The following TMCO6 variants were observed in gnomAD, a reference collection of about 807,000 sequenced individuals.
The protein encoded by TMCO6 is transmembrane and coiled-coil domains 6, also known as transmembrane and coiled-coil domain-containing protein 6.
TMCO6 carries 47 observed loss-of-function variants against 61.8 expected under a neutral mutation model. That is an observed-to-expected ratio of 0.76 (90% CI 0.60 to 0.97). The LOEUF (loss-of-function observed/expected upper bound fraction) is 0.97. Ranked by LOEUF, TMCO6 falls within the 50% of genes least tolerant of loss-of-function variation. The pLI, the probability that TMCO6 is intolerant of heterozygous loss-of-function variation, is 0.00. For missense variants in TMCO6, 557 were observed against 601.6 expected, an observed-to-expected ratio of 0.93 and a Z score of 0.78; for synonymous variants, 261 against 254.2, an observed-to-expected ratio of 1.03 and a Z score of -0.25.
chr5:140,596,805 G>A, the TMCO6 span, among the ~76,000 whole-genome samples: 1 of 152,194 alleles, frequency 6.6e-6, no homozygotes, highest in Non-Finnish European at 1.5e-5. Flanking sequence ...TACAAACAAA[G>A]CTTCATCTAC....
downstream of TMCO6, chr5:140,647,357 A>G (rs1757463948): frequency 6.2e-7 from 1 of 1,609,940 alleles, no homozygotes; most frequent in Non-Finnish European, 8.5e-7. Flanking sequence ...TTTCTCAATG[A>G]AGTCCCTGCG....
chr5:140,643,681 T>G lies in TMCO6; in HGVS notation c.918+6T>G, dbSNP rs761326933. On this transcript the variant is annotated splice_donor_region_variant and intron_variant, in intron 8 of 11. Transcript: ENST00000394671. ...AGGATGCAGGACTGGAGCTGGTAGGTGAAGATGTCAGGTGAAATTCTGGGA... is the reference window on the plus strand; with the variant it reads ...AGGATGCAGGACTGGAGCTGGTAGGGGAAGATGTCAGGTGAAATTCTGGGA... 2 of 1,608,758 alleles carry G rather than the reference T, an allele frequency of 1.2e-6. No homozygotes were observed. Among genetic ancestry groups the G allele is most frequent in the East Asian group, 2.2e-5 (1 of 44,770 alleles).
intron 5 of TMCO6, 49 bp from the exon 6 acceptor site, chr5:140,642,537 G>A: frequency 6.2e-7 from 1 of 1,610,128 alleles, no homozygotes. Flanking sequence ...AGTCTCTGAA[G>A]ACCTGATGAC....
downstream of TMCO6, chr5:140,647,473 C>A: frequency 3.7e-6 from 6 of 1,611,784 alleles, no homozygotes; most frequent in South Asian, 6.6e-5. Context: ...CTCACCACGC[C>A]GCGCCTCACC....
Position 140,645,289 on chromosome 5 carries a change from A to G in TMCO6, c.*191A>G. 8.5e-6 allele frequency: 6 copies of G among 708,622 alleles called. No homozygotes were observed. The highest frequency in any genetic ancestry group is 6.7e-5 in the South Asian group (4 of 59,526). 43.9% of individuals were successfully genotyped at this position (708,622 alleles called of 1,614,324 possible). On this transcript the variant is annotated 3_prime_UTR_variant, in exon 12 of 12. Transcript: ENST00000394671. Reference sequence around the variant, plus strand: ...CAGGCAGGAGGACCAAAAGGGACTCAGTGTGGTCTACTTACTCTGGGGCCC... The same window carrying G: ...CAGGCAGGAGGACCAAAAGGGACTCGGTGTGGTCTACTTACTCTGGGGCCC...
chr5:140,608,076 C>T, the TMCO6 span, among the ~76,000 whole-genome samples: 2 of 152,184 alleles, frequency 1.3e-5, no homozygotes, highest in African/African-American at 4.8e-5. Flanking sequence ...ATGCGTGAGC[C>T]ACTGCGCCCA....
At chr5:140,627,579 G>A in the TMCO6 span, among the ~76,000 whole-genome samples, 1 of 152,078 alleles carries the variant, frequency 6.6e-6, no homozygotes, top group African/African-American at 2.4e-5. Flanking sequence ...TAATTTTTCT[G>A]ACAAAATATT....
the TMCO6 span, among the ~76,000 whole-genome samples, chr5:140,627,369 T>C: frequency 2.6e-4 from 40 of 152,188 alleles, no homozygotes; most frequent in African/African-American, 8.2e-4. Context: ...TAGAATCTAA[T>C]GGTTCCAAAG....
the TMCO6 span, among the ~76,000 whole-genome samples, chr5:140,598,984 C>A: frequency 1.3e-5 from 2 of 152,154 alleles, no homozygotes; most frequent in African/African-American, 4.8e-5. Flanking sequence ...TCCTGTCAGA[C>A]CCCATTTGTA....
the TMCO6 span, among the ~76,000 whole-genome samples, chr5:140,630,262 G>A: frequency 1.3e-5 from 2 of 151,990 alleles, no homozygotes; most frequent in East Asian, 1.9e-4. Flanking sequence ...AAAGTGCTGG[G>A]ATTATAGGCA....
the TMCO6 span, among the ~76,000 whole-genome samples, chr5:140,603,626 C>G: frequency 6.6e-6 from 1 of 151,998 alleles, no homozygotes; most frequent in Non-Finnish European, 1.5e-5. Context: ...ACTTCTTTTA[C>G]TTAGCATTAG....
Position 140,643,580 on chromosome 5 carries a change from C to T in TMCO6, c.823C>T (p.Leu275=). Residue 275 remains leucine, a synonymous_variant, in exon 8 of 12, where the codon CTG becomes TTG. Transcript: ENST00000394671. ...YIICSQVSNP[L]LIGHGALSTL... is the part of the protein sequence containing the mutation. ...GTTGCCCAGCCAGGTCAGCAATCCT[C>T]TGCTCATTGGCCATGGGGCTCTGTC... 3 of 1,614,044 alleles carry T rather than the reference C, an allele frequency of 1.9e-6. No homozygotes were observed. The highest frequency in any genetic ancestry group is 2.5e-6 in the Non-Finnish European group (3 of 1,180,038).
At chr5:140,600,206 G>A in the TMCO6 span, among the ~76,000 whole-genome samples, 3 of 152,100 alleles carry the variant, frequency 2.0e-5, no homozygotes, top group Admixed American at 6.6e-5. Flanking sequence ...CTTAATGTCT[G>A]ATAAGAAATA....
In TMCO6 at chr5:140,641,880, A is replaced by C. The variant is rs775962744; in HGVS notation, c.325A>C (p.Ser109Arg). 1 of 1,612,590 alleles carries C rather than the reference A, an allele frequency of 6.2e-7. No individual in the cohort carries two copies. Among genetic ancestry groups the C allele is most frequent in the Non-Finnish European group, 8.5e-7 (1 of 1,178,844 alleles). The change falls in exon 4 of 12, where the codon AGC (serine) becomes CGC (arginine). Residue 109 changes from serine to arginine, a missense_variant. By Grantham distance (110) the Ser-to-Arg change is moderately radical (BLOSUM62 -1). Transcript: ENST00000394671. ...TQQTFIRLEG[S>R]MRTLVGLLTS... ...TACTCACTCACATAGGCTGGAGGGC[A>C]GCATGCGGACCCTGGTCGGGCTCCT...
the TMCO6 span, among the ~76,000 whole-genome samples, chr5:140,599,845 G>A: frequency 6.6e-6 from 1 of 152,084 alleles, no homozygotes; most frequent in African/African-American, 2.4e-5. Context: ...AGGTTACAGT[G>A]AGCAGTGAGC....
At chr5:140,602,257 C>T in the TMCO6 span, among the ~76,000 whole-genome samples, 1 of 152,138 alleles carries the variant, frequency 6.6e-6, no homozygotes, top group East Asian at 1.9e-4. Context: ...TGCAATCTCC[C>T]GAATTCCTAC....
chr5:140,618,427 A>AAAAAAG, the TMCO6 span, among the ~76,000 whole-genome samples: 2 of 152,178 alleles, frequency 1.3e-5, no homozygotes, highest in African/African-American at 4.8e-5. Context: ...AGTGAAACTC[A>AAAAAAG]AAAAAGAAAA....
At position 140,644,790 on chromosome 5, in the gene TMCO6, C is replaced by T. The variant is rs376621272; in HGVS notation, c.1368+50C>T. The T allele has an allele frequency of 3.1e-6, 5 of 1,598,958 alleles. No homozygotes were observed. In the African/African-American group the frequency reaches 4.0e-5, roughly 13 times the overall value. On this transcript the variant is annotated intron_variant, in intron 11 of 11. Coordinates refer to ENST00000394671, the MANE Select transcript of TMCO6 (RefSeq NM_018502.5). The stretch of plus-strand genomic sequence containing the variant: ...CAGTCACCCCTGTTCTGAAGCCACA[C>T]AGTGGCTCCCTTCCCATCCAGTCCT...
chr5:140,597,565 G>T, the TMCO6 span, among the ~76,000 whole-genome samples: 148 of 152,268 alleles, frequency 9.7e-4, 1 homozygote, highest in African/African-American at 3.4e-3. Flanking sequence ...CCCTAATTGG[G>T]TTATTCATTC....
Sources: gnomAD v4.1 joint callset for allele counts (sites outside exome capture counted in the v4.1 genomes callset) on GRCh38, gnomAD v4.1.1 for gene constraint, MANE v1.5 for transcripts, NCBI Gene and HGNC (gene_info 2026-07-23, HGNC 2026-07-21) for gene names.